The following NPM1 variants were observed in gnomAD, a reference collection of about 807,000 sequenced individuals.
NPM1 encodes nucleophosmin.
In NPM1, 1 loss-of-function variant was observed where a neutral mutation model predicts 44.1. That is an observed-to-expected ratio of 0.02 (90% CI 0.01 to 0.11). The LOEUF is 0.11. NPM1 is among the 10% of genes least tolerant of loss of function. NPM1 has a pLI of 1.00. For synonymous variants in NPM1, 126 were observed against 111.8 expected (o/e 1.13, Z -0.80); for missense variants, 197 against 347.8 (o/e 0.57, Z 3.45).
At chr5:171,400,692 T>TTG in intron 7 of NPM1, 147 bp from the exon 8 acceptor site, 1 of 559,626 alleles carries the variant, frequency 1.8e-6, no homozygotes, top group Non-Finnish European at 3.2e-6. Flanking sequence ...GTGATCCACC[T>TTG]GCCTCGGCCT....
At position 171,400,933 on chromosome 5, in the gene NPM1, G is replaced by A; in HGVS notation, c.669+8G>A. The A allele has an allele frequency of 1.3e-6, 2 of 1,579,072 alleles. No individual in the cohort carries two copies. The highest frequency in any genetic ancestry group is 1.4e-5 in the African/African-American group (1 of 73,886). On this transcript the variant is annotated splice_region_variant and intron_variant, in intron 8 of 10. Coordinates refer to ENST00000296930, the MANE Select transcript of NPM1 (RefSeq NM_002520.7). ...TCAACACCAAGATCAAAAGTAAGTGGCTACATTTACACGTGGGTCTCATTG... is the reference window on the plus strand; with the variant it reads ...TCAACACCAAGATCAAAAGTAAGTGACTACATTTACACGTGGGTCTCATTG...
chr5:171,391,974 C>G (rs998428658), intron 4 of NPM1, among the ~76,000 whole-genome samples, 175 bp downstream of exon 4: 1 of 150,814 alleles, frequency 6.6e-6, no homozygotes, highest in Non-Finnish European at 1.5e-5. Flanking sequence ...GAGAGGAAAT[C>G]TTGCTGTCAC....
At chr5:171,388,692 T>A (rs1770408753) in intron 1 of NPM1, among the ~76,000 whole-genome samples, 1 of 152,176 alleles carries the variant, frequency 6.6e-6, no homozygotes. Flanking sequence ...TGGGAAATGT[T>A]AAGAGGCTGG....
chr5:171,391,958 G>A (rs565797181), intron 4 of NPM1, among the ~76,000 whole-genome samples, 159 bp downstream of exon 4: 1 of 116,476 alleles, frequency 8.6e-6, no homozygotes, highest in Non-Finnish European at 1.7e-5. Context: ...TTTTTGGGGC[G>A]GGGGGGAGAG....
chr5:171,391,569 G>A (rs1770579953), intron 3 of NPM1, 137 bp from the exon 4 acceptor site: 2 of 1,172,590 alleles, frequency 1.7e-6, no homozygotes, highest in South Asian at 1.4e-5. Context: ...TCTTGAACAT[G>A]GGGGCTTCTG....
chr5:171,388,093 C>A, intron 1 of NPM1, 87 bp downstream of exon 1: 2 of 1,138,380 alleles, frequency 1.8e-6, no homozygotes, highest in Non-Finnish European at 1.3e-6. Flanking sequence ...CGGCTGCAAC[C>A]GGGTCTGGTG....
intron 10 of NPM1, 36 bp downstream of exon 10, chr5:171,407,810 G>T: frequency 1.5e-6 from 2 of 1,321,572 alleles, no homozygotes; most frequent in Non-Finnish European, 2.2e-6. Context: ...TTAAATCCAA[G>T]TTTTTTTGTG....
At chr5:171,403,663 C>G (rs1291438024) in intron 8 of NPM1, among the ~76,000 whole-genome samples, 1 of 137,490 alleles carries the variant, frequency 7.3e-6, no homozygotes, top group Non-Finnish European at 1.6e-5. Context: ...CCCTCCCGGA[C>G]GGGGCGGCTG....
At chr5:171,400,250 T>C (rs1253487984) in intron 7 of NPM1, 40 bp downstream of exon 7, 3 of 1,611,618 alleles carry the variant, frequency 1.9e-6, no homozygotes, top group Admixed American at 1.7e-5. Context: ...AAACTAACAA[T>C]AGAAATGGTG....
At position 171,409,734 on chromosome 5, in the gene NPM1, G is replaced by A. The variant is rs370560268; in HGVS notation, c.847-793G>A. Among the ~76,000 whole-genome samples, 44 of 152,258 alleles carry A rather than the reference G, an allele frequency of 2.9e-4. 1 individual carries two copies. In the South Asian group the frequency reaches 9.1e-3, roughly 32 times the overall value. On this transcript the variant is annotated intron_variant, in intron 10 of 10. Coordinates refer to ENST00000296930, the MANE Select transcript of NPM1 (RefSeq NM_002520.7). ...TTGGCCAGGCTGGTCTTGAACTCCT[G>A]ACCTCTCAGGTGATCCAACACCTTG...
At chr5:171,393,506 A>C (rs1474177689) in intron 6 of NPM1, among the ~76,000 whole-genome samples, 1 of 152,246 alleles carries the variant, frequency 6.6e-6, no homozygotes, top group Non-Finnish European at 1.5e-5. Context: ...TGGAAACAAT[A>C]TTTGATGACT....
intron 8 of NPM1, among the ~76,000 whole-genome samples, chr5:171,403,383 T>C (rs972872804): frequency 9.7e-6 from 1 of 102,652 alleles, no homozygotes; most frequent in Non-Finnish European, 2.1e-5. Flanking sequence ...CAGAACAAAA[T>C]GAAAAGTCTC....
intron 8 of NPM1, among the ~76,000 whole-genome samples, chr5:171,402,275 A>G (rs953934812): frequency 5.9e-5 from 9 of 151,390 alleles, no homozygotes; most frequent in African/African-American, 2.2e-4. Context: ...ATCACTGATT[A>G]GAGAAATGCA....
intron 10 of NPM1, among the ~76,000 whole-genome samples, chr5:171,410,041 C>T (rs960325640): frequency 2.6e-5 from 4 of 151,704 alleles, no homozygotes; most frequent in Admixed American, 2.0e-4. Flanking sequence ...AGTGATCTGC[C>T]CGCCTCAGTC....
At chr5:171,388,104 G>A (rs1770354911) in intron 1 of NPM1, 98 bp downstream of exon 1, 3 of 1,079,336 alleles carry the variant, frequency 2.8e-6, no homozygotes, top group Non-Finnish European at 4.2e-6. Flanking sequence ...GGGTCTGGTG[G>A]AGACCGCCAG....
chr5:171,404,928 C>G (rs970275912), intron 8 of NPM1, among the ~76,000 whole-genome samples: 8 of 152,078 alleles, frequency 5.3e-5, no homozygotes, highest in Non-Finnish European at 7.3e-5. Flanking sequence ...AAGCAAACTC[C>G]CAAGTTACTC....
intron 8 of NPM1, among the ~76,000 whole-genome samples, 186 bp from the exon 9 acceptor site, chr5:171,405,116 C>T (rs1279788786): frequency 6.6e-6 from 1 of 152,046 alleles, no homozygotes; most frequent in Non-Finnish European, 1.5e-5. Context: ...CATCTTATTC[C>T]TTCCTTAAAG....
At chr5:171,398,885 T>G (rs1450079047) in intron 6 of NPM1, among the ~76,000 whole-genome samples, 1 of 152,210 alleles carries the variant, frequency 6.6e-6, no homozygotes, top group Non-Finnish European at 1.5e-5. Context: ...TTTTTTGAAA[T>G]GAGTCTCACT....
chr5:171,393,110 A>G lies in NPM1; in HGVS notation c.524+132A>G, dbSNP rs1438834038. ...CATCCTATGTAATAGTTTATAATAA[A>G]AGGGCAGGTGGTCATCTGTTGTCAG... On this transcript the variant is annotated intron_variant, in intron 6 of 10. Coordinates refer to ENST00000296930, the MANE Select transcript of NPM1 (RefSeq NM_002520.7). The G allele has an allele frequency of 3.4e-6, 4 of 1,176,112 alleles. No individual in the cohort carries two copies. The African/African-American group carries it at 6.2e-5, about 18-fold the overall frequency. 72.9% of individuals were successfully genotyped at this position (1,176,112 alleles called of 1,614,324 possible).
Sources: allele counts gnomAD v4.1 joint callset (sites outside exome capture counted in the v4.1 genomes callset), GRCh38; gene constraint gnomAD v4.1.1; transcripts MANE v1.5; gene names NCBI Gene and HGNC (gene_info 2026-07-23, HGNC 2026-07-21).